The following EPHB2 variants were observed in gnomAD, a reference collection of about 807,000 sequenced individuals.
EPHB2 encodes the protein ephrin type-B receptor 2.
Under a neutral mutation model 96.4 loss-of-function variants are expected in EPHB2, and 18 were observed. The ratio of observed to expected loss-of-function variants is 0.19; its 90% CI spans 0.13 to 0.28. The LOEUF (loss-of-function observed/expected upper bound fraction) is 0.28, where lower values mean the gene tolerates loss of function less well. EPHB2 is among the 10% of genes least tolerant of loss of function. The pLI, the probability that EPHB2 is intolerant of heterozygous loss-of-function variation, is 1.00. For synonymous variants in EPHB2, 506 were observed against 534.1 expected (o/e 0.95, Z 0.72); for missense variants, 989 against 1,355.4 (o/e 0.73, Z 4.25).
At chr1:22,726,179 G>T (rs1489748162) in intron 1 of EPHB2, among the ~76,000 whole-genome samples, 2 of 152,150 alleles carry the variant, frequency 1.3e-5, no homozygotes, top group Non-Finnish European at 2.9e-5. Flanking sequence ...GAGGTGATAG[G>T]CAAGGCCTCC....
At chr1:22,810,151 G>A (rs945703906) in intron 3 of EPHB2, among the ~76,000 whole-genome samples, 1 of 152,170 alleles carries the variant, frequency 6.6e-6, no homozygotes, top group African/African-American at 2.4e-5. Flanking sequence ...GACTTAGAGG[G>A]TTGGACTAGG....
intron 1 of EPHB2, among the ~76,000 whole-genome samples, chr1:22,726,696 A>T (rs1269343697): frequency 7.9e-5 from 12 of 152,178 alleles, no homozygotes; most frequent in Admixed American, 7.9e-4. Context: ...TGCTGGGATT[A>T]CAGGTGTGAG....
chr1:22,759,697 C>A (rs1284410847), intron 1 of EPHB2, among the ~76,000 whole-genome samples: 1 of 152,168 alleles, frequency 6.6e-6, no homozygotes, highest in African/African-American at 2.4e-5. Flanking sequence ...AGCCTTTGGC[C>A]AGGGAATTCA....
intron 6 of EPHB2, among the ~76,000 whole-genome samples, chr1:22,887,574 G>A (rs961066496): frequency 1.1e-4 from 16 of 152,206 alleles, no homozygotes; most frequent in African/African-American, 3.6e-4. Flanking sequence ...GCTGACAACT[G>A]CGTTGCTAGA....
intron 1 of EPHB2, among the ~76,000 whole-genome samples, chr1:22,727,609 C>T (rs1643609479): frequency 6.6e-6 from 1 of 152,094 alleles, no homozygotes; most frequent in African/African-American, 2.4e-5. Flanking sequence ...CAGCTAGTTG[C>T]CTGAGGACAC....
At position 22,846,188 on chromosome 1, in the gene EPHB2, G is replaced by A. The variant is rs879278057; in HGVS notation, c.812-16849G>A. On this transcript the variant is annotated intron_variant, in intron 3 of 15. Coordinates refer to ENST00000374630, the MANE Select transcript of EPHB2 (RefSeq NM_017449.5). This position sits in a 1 kb window ranked among gnomAD's most constrained non-coding sequence, Gnocchi z 4.3. ...AATCCTAGCAATTTGGGAGCCTGTG[G>A]CAGGCGGATCTCTTGGGTCAGGAGT... is the stretch of plus-strand genomic sequence containing the variant. Among the ~76,000 whole-genome samples the A allele has an allele frequency of 1.3e-5, 2 of 152,130 alleles. No individual in the cohort carries two copies. The highest frequency in any genetic ancestry group is 2.9e-5 in the Non-Finnish European group (2 of 68,028).
chr1:22,759,558 T>A (rs531954035), intron 1 of EPHB2, among the ~76,000 whole-genome samples: 1 of 152,112 alleles, frequency 6.6e-6, no homozygotes, highest in Admixed American at 6.6e-5. Flanking sequence ...GTCTTGAGTG[T>A]CCCTGACAGT....
At chr1:22,894,221 T>C (rs1473800220) in intron 7 of EPHB2, among the ~76,000 whole-genome samples, 1 of 152,174 alleles carries the variant, frequency 6.6e-6, no homozygotes, top group Non-Finnish European at 1.5e-5. Context: ...GCCTTGCCAC[T>C]TACCAGGCCA....
intron 1 of EPHB2, among the ~76,000 whole-genome samples, chr1:22,778,841 A>G (rs1644489089): frequency 6.6e-6 from 1 of 152,190 alleles, no homozygotes; most frequent in Non-Finnish European, 1.5e-5. Context: ...TGACTTTGGC[A>G]AGCCATTTGC....
intron 1 of EPHB2, among the ~76,000 whole-genome samples, chr1:22,726,405 T>C (rs1036775572): frequency 7.7e-6 from 1 of 129,978 alleles, no homozygotes; most frequent in Admixed American, 7.8e-5. Flanking sequence ...TGCATAATAG[T>C]TTCTTTTTCT....
intron 1 of EPHB2, among the ~76,000 whole-genome samples, chr1:22,735,670 G>T (rs990580047): frequency 2.0e-5 from 3 of 152,302 alleles, no homozygotes; most frequent in Admixed American, 6.5e-5. Context: ...GCCTGTCTCA[G>T]CTCTACATGA....
At position 22,750,894 on chromosome 1, in the gene EPHB2, G is replaced by A. The variant is rs148660195; in HGVS notation, c.62-30527G>A. 2.6e-5 allele frequency among the ~76,000 whole-genome samples: 4 copies of A among 152,316 alleles called. No individual in the cohort carries two copies. In the East Asian group the frequency reaches 7.7e-4, roughly 29 times the overall value. ...TGGGTCACACCTCCAGAGTGTCAGAGCAAGGACTAGGAATCCAGGCAGCAG... is the reference window on the plus strand; with the variant it reads ...TGGGTCACACCTCCAGAGTGTCAGAACAAGGACTAGGAATCCAGGCAGCAG... On this transcript the variant is annotated intron_variant, in intron 1 of 15. Coordinates refer to ENST00000374630, the MANE Select transcript of EPHB2 (RefSeq NM_017449.5).
chr1:22,784,837 G>A lies in EPHB2; in HGVS notation c.572G>A (p.Arg191His), dbSNP rs758432081. Reference sequence around the variant, plus strand: ...GGCTGCATGTCCCTCATCGCCGTGCGTGTCTTCTACCGCAAGTGCCCCCGC... The same window carrying A: ...GGCTGCATGTCCCTCATCGCCGTGCATGTCTTCTACCGCAAGTGCCCCCGC... The part of the protein sequence containing the change: ...YGGCMSLIAV[R>H]VFYRKCPRII... The change falls in exon 3 of 16, where the codon CGT becomes CAT. Residue 191 changes from arginine (R) to histidine (H), a missense_variant. Arg to His is a conservative substitution (Grantham distance 29, BLOSUM62 0). Transcript: ENST00000374630. The surrounding 1 kb of genome is among the most constrained non-coding windows in gnomAD (Gnocchi z 5.1). 54 of 1,605,954 alleles carry A rather than the reference G, an allele frequency of 3.4e-5. No individual in the cohort carries two copies. Among genetic ancestry groups the A allele is most frequent in the South Asian group, 1.7e-4 (15 of 90,176 alleles).
In EPHB2 at chr1:22,863,807, C is replaced by T. The variant is rs61768232; in HGVS notation, c.967+615C>T. Among the ~76,000 whole-genome samples, 306 of 152,338 alleles carry T rather than the reference C, an allele frequency of 2.0e-3. 1 individual carries two copies. The highest frequency in any genetic ancestry group is 3.8e-3 in the Non-Finnish European group (258 of 68,034). On this transcript the variant is annotated intron_variant, in intron 4 of 15. Coordinates refer to ENST00000374630, the MANE Select transcript of EPHB2 (RefSeq NM_017449.5). ...TAATCCTAGCTCACTGCAGCCTCAA[C>T]CTCCTGGGCTCAGGTGCCCTCAGCC...
intron 1 of EPHB2, among the ~76,000 whole-genome samples, chr1:22,758,448 T>TA (rs1345809156): frequency 6.6e-6 from 1 of 151,992 alleles, no homozygotes; most frequent in African/African-American, 2.4e-5. Context: ...AGGCAGTCCT[T>TA]AGTCAAGGTC....
intron 3 of EPHB2, among the ~76,000 whole-genome samples, chr1:22,801,825 T>C (rs1325358034): frequency 1.3e-5 from 2 of 152,132 alleles, no homozygotes; most frequent in African/African-American, 2.4e-5. Flanking sequence ...AGAATGCCTC[T>C]CTTTATCTCC....
chr1:22,913,792 G>T lies in EPHB2; in HGVS notation c.*222G>T. The T allele has an allele frequency of 6.2e-7, 1 of 1,609,780 alleles. No homozygotes were observed. Among genetic ancestry groups the T allele is most frequent in the Non-Finnish European group, 8.5e-7 (1 of 1,177,986 alleles). On this transcript the variant is annotated 3_prime_UTR_variant, in exon 16 of 16. Transcript: ENST00000374630. This position sits in a 1 kb window ranked among gnomAD's most constrained non-coding sequence, Gnocchi z 4.1. ...TGGGAAAAAAGAAAACAGATCCTGGGAGGGGGCGGGAAATACAAGGAATAT... is the reference window on the plus strand; with the variant it reads ...TGGGAAAAAAGAAAACAGATCCTGGTAGGGGGCGGGAAATACAAGGAATAT...
chr1:22,772,081 C>T (rs1335186925), intron 1 of EPHB2, among the ~76,000 whole-genome samples: 1 of 132,776 alleles, frequency 7.5e-6, no homozygotes, highest in Non-Finnish European at 1.6e-5. Flanking sequence ...CCCCCAGCAA[C>T]CCCGTCCCAG....
intron 3 of EPHB2, among the ~76,000 whole-genome samples, chr1:22,850,160 T>A (rs1300357036): frequency 6.6e-6 from 1 of 152,144 alleles, no homozygotes; most frequent in Non-Finnish European, 1.5e-5. Context: ...AAGTGCTACA[T>A]GAGGTGACCC....
Sources: allele counts gnomAD v4.1 joint callset (sites outside exome capture counted in the v4.1 genomes callset), GRCh38; gene constraint gnomAD v4.1.1; non-coding constraint Gnocchi (gnomAD v3.1); transcripts MANE v1.5; gene names NCBI Gene and HGNC (gene_info 2026-07-23, HGNC 2026-07-21).